ZC3H8: variants seen among roughly 807,000 people sequenced by gnomAD.
ZC3H8 encodes the protein zinc finger CCCH domain-containing protein 8.
In ZC3H8, 27 loss-of-function variants were observed where a neutral mutation model predicts 42.5. That is an observed-to-expected ratio of 0.64 (90% CI 0.47 to 0.88). ZC3H8 has a LOEUF of 0.88. Ranked by LOEUF, ZC3H8 falls within the 40% of genes least tolerant of loss-of-function variation. The pLI, the probability that ZC3H8 is intolerant of heterozygous loss-of-function variation, is 0.00. For synonymous variants in ZC3H8, 101 were observed against 110.1 expected (o/e 0.92, Z 0.52); for missense variants, 277 against 336.1 (o/e 0.82, Z 1.37).
chr2:112,229,458 C>A (rs1303783571), intron 8 of ZC3H8, among the ~76,000 whole-genome samples: 3 of 152,206 alleles, frequency 2.0e-5, no homozygotes, highest in Non-Finnish European at 1.5e-5. Context: ...ATATGACTTA[C>A]TTTAGCCAAT....
At chr2:112,251,096 G>GA (rs1388412625) in intron 1 of ZC3H8, among the ~76,000 whole-genome samples, 6 of 152,338 alleles carry the variant, frequency 3.9e-5, no homozygotes, top group African/African-American at 1.4e-4. Context: ...ATAGGGAGCT[G>GA]AAGAAAATAT....
At chr2:112,220,934 A>G (rs1684557291) in intron 8 of ZC3H8, among the ~76,000 whole-genome samples, 1 of 152,176 alleles carries the variant, frequency 6.6e-6, no homozygotes, top group Non-Finnish European at 1.5e-5. Flanking sequence ...ATCCGTCATG[A>G]GGATGATCTT....
chr2:112,233,295 T>C lies in ZC3H8; in HGVS notation c.698A>G (p.Tyr233Cys). ...CAGACAGTTTTCACCTCTGGTACAA[T>C]ATCCTTGTACATAAAACTTACACAT... ...KEMCKFYVQG[Y>C]CTRGENCLYL... Residue 233 changes from tyrosine to cysteine, a missense_variant, in exon 6 of 9, where the codon TAT (tyrosine) becomes TGT (cysteine). Transcript: ENST00000409573. The C allele has an allele frequency of 1.9e-6, 3 of 1,598,588 alleles. No individual in the cohort carries two copies. The highest frequency in any genetic ancestry group is 1.1e-5 in the South Asian group (1 of 88,532).
At chr2:112,227,281 T>C (rs999668532) in intron 8 of ZC3H8, among the ~76,000 whole-genome samples, 2 of 152,164 alleles carry the variant, frequency 1.3e-5, no homozygotes, top group Non-Finnish European at 2.9e-5. Flanking sequence ...TCCCAGCACT[T>C]TGGGAGGCCG....
At chr2:112,223,431 T>A (rs1684682706) in intron 8 of ZC3H8, among the ~76,000 whole-genome samples, 1 of 152,208 alleles carries the variant, frequency 6.6e-6, no homozygotes, top group East Asian at 1.9e-4. Flanking sequence ...GAAATGAGTG[T>A]TGAATTTAGC....
chr2:112,253,774 G>A lies in ZC3H8; in HGVS notation c.74+1134C>T, dbSNP rs796739116. Among the ~76,000 whole-genome samples the A allele has an allele frequency of 1.2e-4, 19 of 152,074 alleles. 1 individual carries two copies. Among genetic ancestry groups the A allele is most frequent in the African/African-American group, 4.6e-4 (19 of 41,496 alleles). ...TAAATGTTGCTATTATCTTTTTTTT[G>A]TGTGATGAATTCTTATGTATTTTAT... is the stretch of plus-strand genomic sequence containing the variant. On this transcript the variant is annotated intron_variant, in intron 1 of 8. Coordinates refer to ENST00000409573, the MANE Select transcript of ZC3H8 (RefSeq NM_032494.3).
Position 112,255,019 on chromosome 2 carries a change from TAC to T in ZC3H8, c.-40_-39del. On this transcript the variant is annotated 5_prime_UTR_variant, in exon 1 of 9. Coordinates refer to ENST00000409573, the MANE Select transcript of ZC3H8 (RefSeq NM_032494.3). ...TCCTCCCTTTCGCGAGCCGGGAAGCTACAGAGTAACAACCCGAGAGAGTGACA... is the reference window on the plus strand; with the variant it reads ...TCCTCCCTTTCGCGAGCCGGGAAGCTAGAGTAACAACCCGAGAGAGTGACA... The T allele has an allele frequency of 6.4e-7, 1 of 1,571,906 alleles. No homozygotes were observed. Among genetic ancestry groups the T allele is most frequent in the African/African-American group, 1.4e-5 (1 of 73,966 alleles).
At chr2:112,225,739 C>T (rs1684795539) in intron 8 of ZC3H8, among the ~76,000 whole-genome samples, 1 of 152,120 alleles carries the variant, frequency 6.6e-6, no homozygotes, top group Non-Finnish European at 1.5e-5. Context: ...ATCACTTGAA[C>T]CCAGGAGACG....
chr2:112,234,513 T>A (rs969166339), intron 4 of ZC3H8, among the ~76,000 whole-genome samples: 1 of 152,178 alleles, frequency 6.6e-6, no homozygotes, highest in African/African-American at 2.4e-5. Context: ...AAAAATTTTT[T>A]AAATGGGCCA....
chr2:112,235,498 C>T (rs1261478417), intron 4 of ZC3H8, among the ~76,000 whole-genome samples: 1 of 152,140 alleles, frequency 6.6e-6, no homozygotes, highest in Non-Finnish European at 1.5e-5. Context: ...CTTCAGATTC[C>T]TCATTCATAA....
At chr2:112,248,174 C>T (rs1470798490) in intron 2 of ZC3H8, among the ~76,000 whole-genome samples, 1 of 151,734 alleles carries the variant, frequency 6.6e-6, no homozygotes, top group Non-Finnish European at 1.5e-5. Context: ...AAAAATACAA[C>T]AATTAGCCAG....
chr2:112,228,070 T>C (rs571364957), intron 8 of ZC3H8, among the ~76,000 whole-genome samples: 1 of 152,308 alleles, frequency 6.6e-6, no homozygotes, highest in African/African-American at 2.4e-5. Context: ...ATCAAGACAC[T>C]GTGATAGTGT....
At chr2:112,247,166 T>C (rs1324979134) in intron 2 of ZC3H8, among the ~76,000 whole-genome samples, 2 of 152,270 alleles carry the variant, frequency 1.3e-5, no homozygotes, top group Non-Finnish European at 2.9e-5. Context: ...AAAACATTCT[T>C]GTGCCTAGCT....
chr2:112,232,985 T>C (rs1253020948), intron 6 of ZC3H8, among the ~76,000 whole-genome samples: 1 of 152,206 alleles, frequency 6.6e-6, no homozygotes, highest in African/African-American at 2.4e-5. Context: ...CAGTAGAAAT[T>C]GTGATAAGTC....
chr2:112,250,426 A>C lies in ZC3H8; in HGVS notation c.75-154T>G, dbSNP rs1414845874. On this transcript the variant is annotated intron_variant, in intron 1 of 8. Transcript: ENST00000409573. The stretch of plus-strand genomic sequence containing the variant: ...TACCAAATACTCCAGAAAATGTACA[A>C]AATTATGATGACCAATAAATGTCCA... 1.3e-5 allele frequency among the ~76,000 whole-genome samples: 2 copies of C among 152,252 alleles called. 1 individual carries two copies. The highest frequency in any genetic ancestry group is 2.9e-5 in the Non-Finnish European group (2 of 68,042).
chr2:112,239,579 CTTTTTTTTTT>C (rs200972008), intron 2 of ZC3H8, among the ~76,000 whole-genome samples: 8,999 of 86,660 alleles, frequency 0.1, 586 homozygotes, highest in East Asian at 0.38. Context: ...TAACAGTTTA[CTTTTTTTTTT>C]TTTTTTTTTT....
intron 8 of ZC3H8, among the ~76,000 whole-genome samples, chr2:112,219,900 A>C (rs1410250077): frequency 6.6e-6 from 1 of 152,148 alleles, no homozygotes; most frequent in Non-Finnish European, 1.5e-5. Flanking sequence ...TGGTTATTTA[A>C]GTCACTTCAT....
chr2:112,233,176 A>T, intron 6 of ZC3H8, 84 bp downstream of exon 6: 1 of 841,552 alleles, frequency 1.2e-6, no homozygotes, highest in Non-Finnish European at 1.8e-6. Flanking sequence ...TATACCTAAA[A>T]CACTGGTTTC....
intron 2 of ZC3H8, among the ~76,000 whole-genome samples, chr2:112,242,093 C>T (rs1685605512): frequency 6.6e-6 from 1 of 152,160 alleles, no homozygotes; most frequent in African/African-American, 2.4e-5. Flanking sequence ...CAGAGGACAT[C>T]TATTAACTCT....
Sources: allele counts gnomAD v4.1 joint callset (sites outside exome capture counted in the v4.1 genomes callset), GRCh38; gene constraint gnomAD v4.1.1; transcripts MANE v1.5; gene names NCBI Gene and HGNC (gene_info 2026-07-23, HGNC 2026-07-21).